Variants in TBC1D5 observed in about 807,000 individuals in gnomAD.
TBC1D5 encodes TBC1 domain family member 5, also known as TBC1 domain family, member 5.
Under a neutral mutation model 100.3 loss-of-function variants are expected in TBC1D5, and 75 were observed. The ratio of observed to expected loss-of-function variants is 0.75; its 90% CI spans 0.62 to 0.91. The LOEUF is 0.91. Among genes scored for constraint, TBC1D5 ranks in the 40% least tolerant of loss-of-function variants. The probability of loss-of-function intolerance (pLI) is 0.00; values close to 1 mark genes in which losing one functional copy is unlikely to be tolerated. For synonymous variants in TBC1D5, 323 were observed against 325.6 expected (o/e 0.99, Z 0.09); for missense variants, 910 against 942.4 (o/e 0.97, Z 0.45).
At chr3:17,223,691 T>C (rs1233605679) in intron 17 of TBC1D5, among the ~76,000 whole-genome samples, 1 of 152,026 alleles carries the variant, frequency 6.6e-6, no homozygotes, top group Non-Finnish European at 1.5e-5. Flanking sequence ...CGAAACCCCA[T>C]CTCTACAAAA....
intron 13 of TBC1D5, among the ~76,000 whole-genome samples, chr3:17,312,442 C>T (rs368599432): frequency 3.0e-4 from 46 of 152,224 alleles, no homozygotes; most frequent in African/African-American, 1.0e-3. Flanking sequence ...AGCCATCAAA[C>T]TCTTTTTCAA....
chr3:17,500,639 C>T (rs971107834), intron 3 of TBC1D5, among the ~76,000 whole-genome samples: 1 of 149,468 alleles, frequency 6.7e-6, no homozygotes, highest in Non-Finnish European at 1.5e-5. Flanking sequence ...AAAAACTGCT[C>T]GCTTTGAACC....
At chr3:17,317,277 T>C (rs1434426135) in intron 13 of TBC1D5, among the ~76,000 whole-genome samples, 1 of 152,200 alleles carries the variant, frequency 6.6e-6, no homozygotes, top group Non-Finnish European at 1.5e-5. Flanking sequence ...TCTCAGTTAC[T>C]ATCCATTAAC....
At chr3:17,399,452 T>C (rs1289381894) in intron 8 of TBC1D5, among the ~76,000 whole-genome samples, 1 of 152,114 alleles carries the variant, frequency 6.6e-6, no homozygotes, top group South Asian at 2.1e-4. Flanking sequence ...AATTTGTATT[T>C]TGAAACATAA....
intron 13 of TBC1D5, among the ~76,000 whole-genome samples, chr3:17,355,390 G>C (rs909493867): frequency 2.0e-5 from 3 of 152,024 alleles, no homozygotes; most frequent in Admixed American, 2.0e-4. Context: ...GTTCCAAGTA[G>C]AAAACAAAAC....
chr3:17,704,350 T>C (rs1279246226), intron 1 of TBC1D5, among the ~76,000 whole-genome samples: 1 of 151,968 alleles, frequency 6.6e-6, no homozygotes, highest in Non-Finnish European at 1.5e-5. Context: ...AACCATCCGA[T>C]TTCTCAATCC....
intron 3 of TBC1D5, among the ~76,000 whole-genome samples, chr3:17,452,898 T>G (rs1447267206): frequency 6.6e-6 from 1 of 152,018 alleles, no homozygotes; most frequent in Non-Finnish European, 1.5e-5. Context: ...TTCTCCAGGA[T>G]AGACCATATG....
chr3:17,237,139 T>G (rs183509489), intron 17 of TBC1D5, among the ~76,000 whole-genome samples: 194 of 152,310 alleles, frequency 1.3e-3, no homozygotes, highest in African/African-American at 4.4e-3. Context: ...CACTAATTAT[T>G]GAAAACTGAT....
intron 4 of TBC1D5, among the ~76,000 whole-genome samples, chr3:17,420,831 C>T (rs2094190819): frequency 6.6e-6 from 1 of 152,262 alleles, no homozygotes; most frequent in African/African-American, 2.4e-5. Flanking sequence ...GTAGCTTATC[C>T]TCACATTTCA....
chr3:17,726,049 T>C (rs922822382), intron 1 of TBC1D5, among the ~76,000 whole-genome samples: 4 of 152,210 alleles, frequency 2.6e-5, no homozygotes, highest in Non-Finnish European at 5.9e-5. Context: ...CATGATGTCA[T>C]TCTTTTTTAT....
rs137893252 is a variant in TBC1D5 at position 17,316,078 on chromosome 3, T to C, written c.996-7944A>G. ...TTGCTGGAAAGGTTGTAGTTTGGCT[T>C]CTGGGGCATCTTATCTGGGTCAGAG... On this transcript the variant is annotated intron_variant, in intron 13 of 21. Transcript: ENST00000253692. Among the ~76,000 whole-genome samples the C allele has an allele frequency of 2.0e-5, 3 of 152,310 alleles. No individual in the cohort carries two copies. The East Asian group carries it at 5.8e-4, about 29-fold the overall frequency.
intron 2 of TBC1D5, among the ~76,000 whole-genome samples, chr3:17,520,599 A>T (rs1466761579): frequency 2.0e-5 from 3 of 152,114 alleles, no homozygotes; most frequent in Non-Finnish European, 4.4e-5. Flanking sequence ...CAAGTTATAG[A>T]ATTAGGGTAC....
At chr3:17,334,010 C>A (rs1354536349) in intron 13 of TBC1D5, among the ~76,000 whole-genome samples, 1 of 151,832 alleles carries the variant, frequency 6.6e-6, no homozygotes, top group Non-Finnish European at 1.5e-5. Flanking sequence ...GAAATGAGGA[C>A]ATTAGTGGAG....
intron 3 of TBC1D5, among the ~76,000 whole-genome samples, chr3:17,467,643 G>A (rs575047814): frequency 1.3e-5 from 2 of 152,180 alleles, no homozygotes; most frequent in East Asian, 3.9e-4. Context: ...AGGAGGCTAA[G>A]GCGGGCAGAT....
intron 13 of TBC1D5, among the ~76,000 whole-genome samples, chr3:17,360,459 C>G (rs534691903): frequency 6.6e-5 from 10 of 151,904 alleles, no homozygotes; most frequent in African/African-American, 2.4e-4. Flanking sequence ...TATTTACTAC[C>G]TTTTTATATA....
intron 1 of TBC1D5, among the ~76,000 whole-genome samples, chr3:17,712,569 C>T (rs1409261134): frequency 6.6e-6 from 1 of 152,192 alleles, no homozygotes; most frequent in African/African-American, 2.4e-5. Flanking sequence ...TTGAAAACTA[C>T]TTAGCCCAGT....
chr3:17,540,884 C>T (rs1349711940), intron 2 of TBC1D5, among the ~76,000 whole-genome samples: 14 of 119,674 alleles, frequency 1.2e-4, no homozygotes, highest in African/African-American at 4.4e-4. Context: ...ACCAGCCTGG[C>T]GACAGAGCGA....
chr3:17,461,059 A>T (rs2095198506), intron 3 of TBC1D5, among the ~76,000 whole-genome samples: 1 of 152,222 alleles, frequency 6.6e-6, no homozygotes, highest in Admixed American at 6.5e-5. Context: ...GTAACTATTT[A>T]TGATAATTAT....
chr3:17,502,735 G>A (rs2095800416), intron 3 of TBC1D5, among the ~76,000 whole-genome samples: 2 of 149,024 alleles, frequency 1.3e-5, no homozygotes. Flanking sequence ...CCTCTATCCC[G>A]TCTGTACCAT....
Sources: gnomAD v4.1 joint callset for allele counts (sites outside exome capture counted in the v4.1 genomes callset) on GRCh38, gnomAD v4.1.1 for gene constraint, MANE v1.5 for transcripts, NCBI Gene and HGNC (gene_info 2026-07-23, HGNC 2026-07-21) for gene names.